CCDC13: variants seen among roughly 807,000 people sequenced by gnomAD.
CCDC13 encodes coiled-coil domain containing 13.
In CCDC13, 70 loss-of-function variants were observed where a neutral mutation model predicts 87.3. The ratio of observed to expected loss-of-function variants is 0.80; its 90% confidence interval spans 0.66 to 0.98. The LOEUF (loss-of-function observed/expected upper bound fraction) is 0.98, where lower values mean the gene tolerates loss of function less well. Among genes scored for constraint, CCDC13 ranks in the 50% least tolerant of loss-of-function variants. The pLI, the probability that CCDC13 is intolerant of heterozygous loss-of-function variation, is 0.00. For synonymous variants in CCDC13, 317 were observed against 360.3 expected (o/e 0.88, Z 1.36); for missense variants, 842 against 892.0 (o/e 0.94, Z 0.71).
intron 13 of CCDC13, among the ~76,000 whole-genome samples, chr3:42,722,060 G>T (rs1464283750): frequency 6.6e-6 from 1 of 152,142 alleles, no homozygotes; most frequent in African/African-American, 2.4e-5. Context: ...TTACTGTTGT[G>T]GAATATATTG....
intron 1 of CCDC13, among the ~76,000 whole-genome samples, chr3:42,767,510 C>T (rs1297000314): frequency 6.6e-6 from 1 of 152,152 alleles, no homozygotes; most frequent in East Asian, 1.9e-4. Context: ...CAGTTCTTCC[C>T]AACTTGATCT....
chr3:42,708,913 A>T lies in CCDC13; in HGVS notation c.*67T>A. On this transcript the variant is annotated 3_prime_UTR_variant, in exon 16 of 16. Transcript: ENST00000310232. ...GCTTCCCGGAGCAGATGGAGTCCTCAGACAGAGTCTTATCCTCTCAAGACC... is the reference window on the plus strand; with the variant it reads ...GCTTCCCGGAGCAGATGGAGTCCTCTGACAGAGTCTTATCCTCTCAAGACC... 1 of 1,500,228 alleles carries T rather than the reference A, an allele frequency of 6.7e-7. No individual in the cohort carries two copies. Among genetic ancestry groups the T allele is most frequent in the Non-Finnish European group, 8.9e-7 (1 of 1,123,536 alleles). The allele number at this position is 1,500,228 out of a possible 1,614,324, so 92.9% of individuals were successfully genotyped here. A position where few individuals can be genotyped will look rare whatever the true frequency, so the allele number is the denominator to read the frequency against.
intron 4 of CCDC13, 67 bp from the exon 5 acceptor site, chr3:42,752,092 G>A (rs1699598944): frequency 2.2e-6 from 3 of 1,347,366 alleles, no homozygotes; most frequent in Non-Finnish European, 3.1e-6. Flanking sequence ...AAGCACTCTG[G>A]TGCCATTGTG....
chr3:42,705,416 G>A (rs1254279027), downstream of CCDC13, among the ~76,000 whole-genome samples: 3 of 152,172 alleles, frequency 2.0e-5, no homozygotes, highest in Non-Finnish European at 4.4e-5. Context: ...TGCCCCAGAG[G>A]CCCCTGTGGG....
In CCDC13 at chr3:42,735,398, C is replaced by G. The variant is rs1010881293; in HGVS notation, c.1371+309G>C. 2.0e-5 allele frequency among the ~76,000 whole-genome samples: 3 copies of G among 152,112 alleles called. No individual in the cohort carries two copies. In the South Asian group the frequency reaches 6.2e-4, roughly 32 times the overall value. Reference sequence around the variant, plus strand: ...CATCCTGCTGCTGGAGCTACTGCCACCATCTTGAATCCTGAGGATAAGGCC... The same window carrying G: ...CATCCTGCTGCTGGAGCTACTGCCAGCATCTTGAATCCTGAGGATAAGGCC... On this transcript the variant is annotated intron_variant, in intron 10 of 15. Coordinates refer to ENST00000310232, the MANE Select transcript of CCDC13 (RefSeq NM_144719.4).
At chr3:42,755,225 A>G (rs1699679903) in intron 3 of CCDC13, among the ~76,000 whole-genome samples, 1 of 152,344 alleles carries the variant, frequency 6.6e-6, no homozygotes, top group East Asian at 1.9e-4. Context: ...TATAGTAAGC[A>G]AACAAAACCC....
chr3:42,770,118 G>C (rs1421668975), intron 1 of CCDC13, among the ~76,000 whole-genome samples: 1 of 152,258 alleles, frequency 6.6e-6, no homozygotes, highest in Non-Finnish European at 1.5e-5. Context: ...GGTGAACCTA[G>C]CTGGGCTCCT....
At chr3:42,730,105 T>C (rs1456499020) in intron 13 of CCDC13, among the ~76,000 whole-genome samples, 1 of 152,120 alleles carries the variant, frequency 6.6e-6, no homozygotes, top group Non-Finnish European at 1.5e-5. Flanking sequence ...TGTGTTTTCT[T>C]CCCACCAAAC....
At position 42,751,960 on chromosome 3, in the gene CCDC13, C is replaced by T. The variant is rs761707411; in HGVS notation, c.579G>A (p.Arg193=). The T allele has an allele frequency of 5.0e-6, 8 of 1,612,008 alleles. No individual in the cohort carries two copies. The highest frequency in any genetic ancestry group is 6.8e-6 in the Non-Finnish European group (8 of 1,180,018). ...CCAATGCTCTGTCTCCCATCTGGGC[C>T]CTCGGTGGCTTGGCTCCTGCGTCGG... is the stretch of plus-strand genomic sequence containing the variant. The part of the protein sequence containing the change: ...GATDAGAKPP[R]AQMGDRALLE... The change falls in exon 5 of 16, where the codon AGG becomes AGA. Residue 193 remains arginine, a synonymous_variant. Coordinates refer to ENST00000310232, the MANE Select transcript of CCDC13 (RefSeq NM_144719.4).
intron 1 of CCDC13, among the ~76,000 whole-genome samples, chr3:42,772,145 G>C (rs570697000): frequency 6.6e-6 from 1 of 151,396 alleles, no homozygotes; most frequent in Non-Finnish European, 1.5e-5. Context: ...GGTGGCGGGC[G>C]CCTGTAATCC....
chr3:42,754,700 G>C (rs530866883), intron 3 of CCDC13, among the ~76,000 whole-genome samples: 1 of 152,282 alleles, frequency 6.6e-6, no homozygotes, highest in South Asian at 2.1e-4. Context: ...TGGTCCAGTG[G>C]TACGTTTCCT....
chr3:42,769,236 G>T (rs1333353060), intron 1 of CCDC13, among the ~76,000 whole-genome samples: 3 of 152,212 alleles, frequency 2.0e-5, no homozygotes, highest in African/African-American at 7.2e-5. Context: ...AAGATGTTCA[G>T]CATCATATGT....
intron 13 of CCDC13, among the ~76,000 whole-genome samples, chr3:42,716,696 TGAG>T (rs1698438542): frequency 6.6e-6 from 1 of 152,114 alleles, no homozygotes; most frequent in African/African-American, 2.4e-5. Context: ...TAAGTGTTGG[TGAG>T]GATATAGAAA....
chr3:42,766,617 A>AC (rs1473805460), intron 1 of CCDC13, among the ~76,000 whole-genome samples: 2 of 151,450 alleles, frequency 1.3e-5, no homozygotes, highest in South Asian at 2.1e-4. Flanking sequence ...AGAAAAAAAA[A>AC]AAAAAACAAC....
intron 5 of CCDC13, among the ~76,000 whole-genome samples, chr3:42,748,735 C>T (rs567583738): frequency 7.9e-4 from 121 of 152,272 alleles, no homozygotes; most frequent in African/African-American, 2.7e-3. Context: ...TTTCCTGCTC[C>T]GCTTCCTCAG....
intron 7 of CCDC13, 102 bp downstream of exon 7, chr3:42,745,821 T>C: frequency 2.4e-6 from 2 of 844,084 alleles, no homozygotes; most frequent in Non-Finnish European, 3.8e-6. Flanking sequence ...AAGGCCTTTT[T>C]TGGGTACTGT....
chr3:42,758,236 T>A lies in CCDC13; in HGVS notation c.110A>T (p.Glu37Val). The change falls in exon 2 of 16, where the codon GAA becomes GTA. Residue 37 changes from glutamate to valine, a missense_variant. By Grantham distance (121) the Glu-to-Val change is moderately radical. Coordinates refer to ENST00000310232, the MANE Select transcript of CCDC13 (RefSeq NM_144719.4). ...QKQMEKKREK[E>V]LSLKSRADDQ... is the part of the protein sequence containing the mutation. ...GTCAGCTCTGCTTTTGAGGCTCAGTTCTTTTTCCCTCTTTTTCTCCATCTG... is the reference window on the plus strand; with the variant it reads ...GTCAGCTCTGCTTTTGAGGCTCAGTACTTTTTCCCTCTTTTTCTCCATCTG... The A allele has an allele frequency of 6.2e-7, 1 of 1,613,930 alleles. No homozygotes were observed.
At chr3:42,705,164 C>G (rs1047425642), downstream of CCDC13, among the ~76,000 whole-genome samples, 1 of 152,074 alleles carries the variant, frequency 6.6e-6, no homozygotes, top group African/African-American at 2.4e-5. Flanking sequence ...AGTCAGTGTA[C>G]GTAAAGGCAC....
At chr3:42,753,425 A>G (rs1006173110) in intron 3 of CCDC13, among the ~76,000 whole-genome samples, 11 of 152,198 alleles carry the variant, frequency 7.2e-5, no homozygotes, top group African/African-American at 2.7e-4. Flanking sequence ...ATAGAAAGGC[A>G]TACATTCATT....
Sources: allele counts gnomAD v4.1 joint callset (sites outside exome capture counted in the v4.1 genomes callset), GRCh38; gene constraint gnomAD v4.1.1; transcripts MANE v1.5; gene names NCBI Gene and HGNC (gene_info 2026-07-23, HGNC 2026-07-21).